AUTS2: variants seen among roughly 807,000 people sequenced by gnomAD.
AUTS2 encodes activator of transcription and developmental regulator AUTS2, also known as autism susceptibility gene 2 protein.
Under a neutral mutation model 112.4 loss-of-function variants are expected in AUTS2, and 17 were observed. The observed-to-expected ratio is 0.15, with a 90% CI of 0.10 to 0.23. The LOEUF is 0.23. AUTS2 is among the 10% of genes least tolerant of loss of function. The pLI, the probability that AUTS2 is intolerant of heterozygous loss-of-function variation, is 1.00. For synonymous variants in AUTS2, 751 were observed against 702.7 expected (o/e 1.07, Z -1.09); for missense variants, 1,510 against 1,701.6 (o/e 0.89, Z 1.98).
intron 1 of AUTS2, among the ~76,000 whole-genome samples, chr7:69,735,128 T>G (rs1329346759): frequency 6.6e-6 from 1 of 152,202 alleles, no homozygotes; most frequent in Non-Finnish European, 1.5e-5. Context: ...CCAGTCTGAT[T>G]ATGTGAGATG....
intron 4 of AUTS2, among the ~76,000 whole-genome samples, chr7:70,178,991 C>CT (rs755746251): frequency 1.4e-4 from 21 of 152,158 alleles, no homozygotes; most frequent in Non-Finnish European, 2.9e-4. Flanking sequence ...TTCCCACTGT[C>CT]TCACTTTCCT....
At chr7:70,195,920 C>CA (rs1426498383) in intron 4 of AUTS2, among the ~76,000 whole-genome samples, 1 of 150,868 alleles carries the variant, frequency 6.6e-6, no homozygotes, top group Non-Finnish European at 1.5e-5. Flanking sequence ...TGTTACTACT[C>CA]AGAGTAATAA....
At chr7:70,456,276 C>T (rs1347542579) in intron 5 of AUTS2, among the ~76,000 whole-genome samples, 1 of 152,148 alleles carries the variant, frequency 6.6e-6, no homozygotes, top group Non-Finnish European at 1.5e-5. Context: ...CACCTAAAAG[C>T]TTTTACTTTT....
chr7:70,725,919 G>A (rs1787000866), intron 6 of AUTS2, among the ~76,000 whole-genome samples: 1 of 152,062 alleles, frequency 6.6e-6, no homozygotes, highest in Non-Finnish European at 1.5e-5. Flanking sequence ...CTACTCGGGA[G>A]GCTGAGGCAG....
intron 2 of AUTS2, among the ~76,000 whole-genome samples, chr7:69,900,378 AG>A: frequency 6.6e-6 from 1 of 152,218 alleles, no homozygotes; most frequent in Non-Finnish European, 1.5e-5. Context: ...TGCTAATTAG[AG>A]GTGGAATAGG....
chr7:70,625,831 T>G (rs1804909975), intron 5 of AUTS2, among the ~76,000 whole-genome samples: 1 of 152,218 alleles, frequency 6.6e-6, no homozygotes, highest in Non-Finnish European at 1.5e-5. Flanking sequence ...GGTTTTAAAC[T>G]AATATAAAAT....
At chr7:69,892,795 T>C (rs1365564896) in intron 1 of AUTS2, among the ~76,000 whole-genome samples, 1 of 152,240 alleles carries the variant, frequency 6.6e-6, no homozygotes, top group African/African-American at 2.4e-5. Flanking sequence ...GATTGAAGTG[T>C]GGATTAAAAT....
intron 4 of AUTS2, among the ~76,000 whole-genome samples, chr7:70,190,442 C>T (rs759599167): frequency 6.6e-6 from 1 of 152,220 alleles, no homozygotes; most frequent in Non-Finnish European, 1.5e-5. Context: ...CCTTAATTGT[C>T]TATTGCTTAC....
intron 1 of AUTS2, among the ~76,000 whole-genome samples, chr7:69,804,058 T>G (rs1477423594): frequency 6.6e-6 from 1 of 152,164 alleles, no homozygotes; most frequent in African/African-American, 2.4e-5. Flanking sequence ...TCATTTTCCA[T>G]TGACACCATA....
chr7:69,907,741 A>G (rs7796973), intron 2 of AUTS2, among the ~76,000 whole-genome samples: 53,981 of 152,054 alleles, frequency 0.36, 10,041 homozygotes, highest in African/African-American at 0.46. Context: ...TCTTGTAAAC[A>G]TTTTCATATG....
chr7:70,398,029 G>A (rs1233013191), intron 4 of AUTS2, among the ~76,000 whole-genome samples: 5 of 152,150 alleles, frequency 3.3e-5, no homozygotes, highest in African/African-American at 4.8e-5. Context: ...ATATTAAAGT[G>A]TTCCCGCACT....
At chr7:69,612,478 T>A (rs189946742) in intron 1 of AUTS2, among the ~76,000 whole-genome samples, 43 of 152,218 alleles carry the variant, frequency 2.8e-4, no homozygotes, top group African/African-American at 1.0e-3. Flanking sequence ...TTTTTTTTTT[T>A]AGACATGTTC....
At position 70,391,784 on chromosome 7, in the gene AUTS2, A is replaced by C. The variant is rs867772639; in HGVS notation, c.661-43968A>C. ...CACTGAATCTTCACAGCAAACTTGC[A>C]TTCTCTCTGTTTTTTTCTGAGGGAA... On this transcript the variant is annotated intron_variant, in intron 4 of 18. Coordinates refer to ENST00000342771, the MANE Select transcript of AUTS2 (RefSeq NM_015570.4). 1.9e-4 allele frequency among the ~76,000 whole-genome samples: 29 copies of C among 152,336 alleles called. 2 individuals are homozygous for C. In the Middle Eastern group the frequency reaches 0.01, roughly 54 times the overall value.
In AUTS2 at chr7:70,313,188, A is replaced by G. The variant is rs114166181; in HGVS notation, c.661-122564A>G. ...TTTAAGGACGACCCCCAATTCTGAG[A>G]GTACTCAGGGTTAGACTTGATGGCA... On this transcript the variant is annotated intron_variant, in intron 4 of 18. Transcript: ENST00000342771. Among the ~76,000 whole-genome samples, 1,345 of 152,310 alleles carry G rather than the reference A, an allele frequency of 8.8e-3. 22 individuals carry two copies. Among genetic ancestry groups the G allele is most frequent in the African/African-American group, 0.031 (1,282 of 41,564 alleles).
At chr7:69,806,815 G>T (rs7777621) in intron 1 of AUTS2, among the ~76,000 whole-genome samples, 15,576 of 152,076 alleles carry the variant, frequency 0.1, 1,303 homozygotes, top group African/African-American at 0.23. Flanking sequence ...TTCCATAGTC[G>T]TCTTCTTTCT....
At chr7:69,890,585 A>G (rs1217876014) in intron 1 of AUTS2, among the ~76,000 whole-genome samples, 1 of 152,104 alleles carries the variant, frequency 6.6e-6, no homozygotes, top group Non-Finnish European at 1.5e-5. Context: ...TAACGTGCTC[A>G]TGGGAGGGGA....
intron 1 of AUTS2, among the ~76,000 whole-genome samples, chr7:69,814,931 G>A (rs1005607594): frequency 3.9e-5 from 6 of 152,172 alleles, no homozygotes; most frequent in African/African-American, 1.4e-4. Context: ...AGAATGATAG[G>A]CATTCTTTTC....
intron 4 of AUTS2, among the ~76,000 whole-genome samples, chr7:70,137,587 A>G (rs1160126553): frequency 6.6e-6 from 1 of 152,090 alleles, no homozygotes; most frequent in East Asian, 1.9e-4. Flanking sequence ...TATAATTAAG[A>G]ACTTAGAGGC....
chr7:70,536,930 T>C (rs1001253629), intron 5 of AUTS2, among the ~76,000 whole-genome samples: 1 of 151,948 alleles, frequency 6.6e-6, no homozygotes, highest in African/African-American at 2.4e-5. Context: ...AAATCAAAAG[T>C]AATAACAGGA....
Sources: gnomAD v4.1 joint callset for allele counts (sites outside exome capture counted in the v4.1 genomes callset) on GRCh38, gnomAD v4.1.1 for gene constraint, MANE v1.5 for transcripts, NCBI Gene and HGNC (gene_info 2026-07-23, HGNC 2026-07-21) for gene names.